ERC2: variants seen among roughly 807,000 people sequenced by gnomAD.
ERC2 encodes the protein ERC protein 2.
ERC2 carries 42 observed loss-of-function variants against 114.8 expected under a neutral mutation model. The ratio of observed to expected loss-of-function variants is 0.37; its 90% confidence interval spans 0.29 to 0.47. The LOEUF (loss-of-function observed/expected upper bound fraction) is 0.47. Ranked by LOEUF, ERC2 falls within the 20% of genes least tolerant of loss-of-function variation. ERC2 has a pLI of 0.99. For missense variants in ERC2, 939 were observed against 1,150.7 expected (o/e 0.82, Z 2.66); for synonymous variants, 454 against 425.5 (o/e 1.07, Z -0.82).
At chr3:56,028,972 C>T (rs941322676) in intron 7 of ERC2, among the ~76,000 whole-genome samples, 1 of 152,012 alleles carries the variant, frequency 6.6e-6, no homozygotes, top group African/African-American at 2.4e-5. Context: ...GCTGAGATAG[C>T]TCTCCTCTGC....
At chr3:55,664,272 A>G (rs1239263571) in intron 17 of ERC2, among the ~76,000 whole-genome samples, 5 of 152,182 alleles carry the variant, frequency 3.3e-5, no homozygotes, top group African/African-American at 1.2e-4. Context: ...AGGTGGTTGC[A>G]AAATCGACTT....
intron 3 of ERC2, among the ~76,000 whole-genome samples, chr3:56,255,008 A>T (rs1476975418): frequency 6.6e-6 from 1 of 152,266 alleles, no homozygotes; most frequent in South Asian, 2.1e-4. Flanking sequence ...TACAAATATT[A>T]TATCTCCATA....
intron 2 of ERC2, among the ~76,000 whole-genome samples, chr3:56,382,512 C>A (rs1484368387): frequency 1.3e-5 from 2 of 152,108 alleles, no homozygotes; most frequent in African/African-American, 4.8e-5. Context: ...TCATTAGTGA[C>A]CTGAATAAAT....
At chr3:55,579,408 A>T (rs2057146786) in intron 17 of ERC2, among the ~76,000 whole-genome samples, 1 of 152,196 alleles carries the variant, frequency 6.6e-6, no homozygotes, top group African/African-American at 2.4e-5. Flanking sequence ...TACAACAGGC[A>T]TCTGCTATAT....
At chr3:56,440,060 T>C (rs1336755552) in intron 1 of ERC2, among the ~76,000 whole-genome samples, 3 of 152,240 alleles carry the variant, frequency 2.0e-5, no homozygotes, top group Non-Finnish European at 4.4e-5. Context: ...GACTTTCTAA[T>C]TGGCTTATTA....
intron 2 of ERC2, among the ~76,000 whole-genome samples, chr3:56,381,499 C>A (rs1020698923): frequency 1.3e-5 from 2 of 152,006 alleles, no homozygotes; most frequent in Non-Finnish European, 2.9e-5. Flanking sequence ...GTAAGTGGAT[C>A]CTCACAGTTC....
intron 17 of ERC2, among the ~76,000 whole-genome samples, chr3:55,589,874 GC>G (rs2107600855): frequency 6.6e-6 from 1 of 152,176 alleles, no homozygotes; most frequent in Admixed American, 6.5e-5. Flanking sequence ...GCACATGGGG[GC>G]AAAAATGTGT....
intron 14 of ERC2, among the ~76,000 whole-genome samples, chr3:55,786,352 C>T: frequency 6.6e-6 from 1 of 152,224 alleles, no homozygotes; most frequent in East Asian, 1.9e-4. Context: ...TGCCAAGGGC[C>T]ATGCCCATTG....
intron 13 of ERC2, among the ~76,000 whole-genome samples, chr3:55,922,196 T>C (rs2065468794): frequency 6.6e-6 from 1 of 152,122 alleles, no homozygotes; most frequent in Non-Finnish European, 1.5e-5. Context: ...TTTTTATTAC[T>C]GGGAGCAAGG....
chr3:56,017,426 A>G (rs1417134105), intron 8 of ERC2, among the ~76,000 whole-genome samples: 2 of 152,156 alleles, frequency 1.3e-5, no homozygotes, highest in Non-Finnish European at 2.9e-5. Flanking sequence ...ATCCCCTTAA[A>G]TGTAAGTCAG....
intron 2 of ERC2, among the ~76,000 whole-genome samples, chr3:56,428,567 G>GGGAGGGAGGGGGAGGGAA (rs2061668393): frequency 2.0e-4 from 25 of 125,588 alleles, no homozygotes; most frequent in Non-Finnish European, 3.0e-4. Context: ...GAGGGAGGGA[G>GGGAGGGAGGGGGAGGGAA]GGAGGGGAGA....
At chr3:56,257,786 C>A (rs147675378) in intron 3 of ERC2, among the ~76,000 whole-genome samples, 70 of 152,286 alleles carry the variant, frequency 4.6e-4, no homozygotes, top group African/African-American at 1.7e-3. Context: ...AAATGGACTG[C>A]CAGAGATGTA....
At chr3:56,417,738 CAA>C (rs898786686) in intron 2 of ERC2, among the ~76,000 whole-genome samples, 1 of 152,176 alleles carries the variant, frequency 6.6e-6, no homozygotes, top group African/African-American at 2.4e-5. Context: ...TCATAGAAAA[CAA>C]AGCAGGAACC....
chr3:56,204,896 GT>G (rs5849135), intron 3 of ERC2, among the ~76,000 whole-genome samples: 68,855 of 149,664 alleles, frequency 0.46, 16,173 homozygotes, highest in East Asian at 0.71. Flanking sequence ...CAGAAAAAAA[GT>G]TTTTTTTTTA....
At chr3:55,626,182 G>T (rs1346237967) in intron 17 of ERC2, among the ~76,000 whole-genome samples, 1 of 152,140 alleles carries the variant, frequency 6.6e-6, no homozygotes, top group Non-Finnish European at 1.5e-5. Context: ...ATGCCTTTTT[G>T]ACCTTTGCAG....
intron 14 of ERC2, among the ~76,000 whole-genome samples, chr3:55,847,660 A>C (rs2149232433): frequency 6.6e-6 from 1 of 151,056 alleles, no homozygotes; most frequent in East Asian, 1.9e-4. Flanking sequence ...TGGTGCCGGG[A>C]GGACAGATGA....
intron 3 of ERC2, among the ~76,000 whole-genome samples, chr3:56,191,599 T>C (rs927387893): frequency 8.5e-5 from 13 of 152,106 alleles, no homozygotes; most frequent in African/African-American, 2.9e-4. Flanking sequence ...GATGAACAGA[T>C]GGGCAGGTAG....
chr3:56,066,034 A>T (rs1209650105), intron 7 of ERC2, among the ~76,000 whole-genome samples: 1 of 152,156 alleles, frequency 6.6e-6, no homozygotes, highest in African/African-American at 2.4e-5. Context: ...TTTATAGCAG[A>T]ACGATTTATA....
chr3:56,079,667 G>A (rs1388162204), intron 7 of ERC2, among the ~76,000 whole-genome samples: 3 of 152,022 alleles, frequency 2.0e-5, no homozygotes, highest in African/African-American at 7.2e-5. Flanking sequence ...AAGGCTCTAC[G>A]GTTACCATCC....
Sources: allele counts gnomAD v4.1 joint callset (sites outside exome capture counted in the v4.1 genomes callset), GRCh38; gene constraint gnomAD v4.1.1; transcripts MANE v1.5; gene names NCBI Gene and HGNC (gene_info 2026-07-23, HGNC 2026-07-21).